The following TRABD2B variants were observed in gnomAD, a reference collection of about 807,000 sequenced individuals.
The protein encoded by TRABD2B is metalloprotease TIKI2.
Under a neutral mutation model 40.1 loss-of-function variants are expected in TRABD2B, and 14 were observed. The ratio of observed to expected loss-of-function variants is 0.35; its 90% CI spans 0.23 to 0.55. TRABD2B has a LOEUF of 0.55. Ranked by LOEUF, TRABD2B falls within the 20% of genes least tolerant of loss-of-function variation. The pLI is 0.90. For synonymous variants in TRABD2B, 263 were observed against 277.0 expected, an observed-to-expected ratio of 0.95 and a Z score of 0.50; for missense variants, 541 against 648.6, an observed-to-expected ratio of 0.83 and a Z score of 1.80.
At chr1:47,937,264 T>C (rs1336974255) in intron 2 of TRABD2B, among the ~76,000 whole-genome samples, 4 of 144,082 alleles carry the variant, frequency 2.8e-5, no homozygotes, top group African/African-American at 5.2e-5. Flanking sequence ...ATCACCATCA[T>C]CATCACCACT....
chr1:47,954,372 G>A (rs1049693380), intron 2 of TRABD2B, among the ~76,000 whole-genome samples: 1 of 152,112 alleles, frequency 6.6e-6, no homozygotes, highest in Non-Finnish European at 1.5e-5. Flanking sequence ...ATCCATTTGG[G>A]AGTCACTACA....
At chr1:47,974,443 T>A (rs1366504277) in intron 2 of TRABD2B, among the ~76,000 whole-genome samples, 1 of 152,142 alleles carries the variant, frequency 6.6e-6, no homozygotes, top group African/African-American at 2.4e-5. Context: ...CAAGCATCTG[T>A]CCCCATCCAA....
chr1:47,805,816 A>G (rs1644883781), intron 2 of TRABD2B, among the ~76,000 whole-genome samples: 4 of 150,548 alleles, frequency 2.7e-5, no homozygotes. Flanking sequence ...GCTCCATTTA[A>G]TTAAAAAAAA....
intron 2 of TRABD2B, among the ~76,000 whole-genome samples, chr1:47,861,344 G>T (rs969956429): frequency 1.3e-5 from 2 of 151,984 alleles, no homozygotes; most frequent in Non-Finnish European, 2.9e-5. Context: ...GTTGTAAAAC[G>T]TCCTACAATA....
At chr1:47,981,317 TTC>T (rs1160484029) in intron 2 of TRABD2B, among the ~76,000 whole-genome samples, 2 of 152,248 alleles carry the variant, frequency 1.3e-5, no homozygotes, top group South Asian at 2.1e-4. Flanking sequence ...CCCGGCCACA[TTC>T]TCTCTTTTCC....
In TRABD2B at chr1:47,962,275, A is replaced by G. The variant is rs548306640; in HGVS notation, c.666+31759T>C. ...TATACCTAATGTAAATGACGAGTTA[A>G]TGGGTGCAGCACAACAACGTGGTAC... On this transcript the variant is annotated intron_variant, in intron 2 of 6. Transcript: ENST00000606738. 1.3e-3 allele frequency among the ~76,000 whole-genome samples: 196 copies of G among 152,284 alleles called. 2 individuals are homozygous for G. The highest frequency in any genetic ancestry group is 2.5e-3 in the Non-Finnish European group (167 of 68,026).
At chr1:47,827,669 A>T (rs1347884952) in intron 2 of TRABD2B, among the ~76,000 whole-genome samples, 1 of 152,196 alleles carries the variant, frequency 6.6e-6, no homozygotes, top group Non-Finnish European at 1.5e-5. Flanking sequence ...TGAGAATGGG[A>T]GCTGAGGCCC....
At chr1:47,853,053 G>A (rs769695765) in intron 2 of TRABD2B, among the ~76,000 whole-genome samples, 5 of 152,164 alleles carry the variant, frequency 3.3e-5, no homozygotes, top group Non-Finnish European at 5.9e-5. Flanking sequence ...CATCCTGGAA[G>A]CATGCCTAGC....
At chr1:47,977,220 A>G (rs1242757997) in intron 2 of TRABD2B, among the ~76,000 whole-genome samples, 1 of 152,100 alleles carries the variant, frequency 6.6e-6, no homozygotes, top group Non-Finnish European at 1.5e-5. Flanking sequence ...CCACAGGTGC[A>G]TGCCACCATG....
chr1:47,837,647 G>A (rs1412984247), intron 2 of TRABD2B, among the ~76,000 whole-genome samples: 1 of 152,154 alleles, frequency 6.6e-6, no homozygotes, highest in African/African-American at 2.4e-5. Context: ...GACGAACCGG[G>A]CTTCTGAAGA....
intron 2 of TRABD2B, among the ~76,000 whole-genome samples, chr1:47,978,573 G>C (rs897696279): frequency 1.3e-5 from 2 of 152,010 alleles, no homozygotes; most frequent in African/African-American, 4.8e-5. Flanking sequence ...GCAGAATTTA[G>C]GTCAGCACAC....
chr1:47,835,718 A>G (rs1645309605), intron 2 of TRABD2B, among the ~76,000 whole-genome samples: 1 of 152,242 alleles, frequency 6.6e-6, no homozygotes, highest in Non-Finnish European at 1.5e-5. Flanking sequence ...AGATGAACAA[A>G]TATTGAGATA....
At chr1:47,809,361 G>A (rs1332111876) in intron 2 of TRABD2B, among the ~76,000 whole-genome samples, 1 of 152,162 alleles carries the variant, frequency 6.6e-6, no homozygotes, top group Admixed American at 6.5e-5. Flanking sequence ...AGCTGCTTGA[G>A]GAATGCTTGT....
chr1:47,876,909 C>A (rs1373462342), intron 2 of TRABD2B, among the ~76,000 whole-genome samples: 1 of 152,218 alleles, frequency 6.6e-6, no homozygotes, highest in East Asian at 1.9e-4. Flanking sequence ...CTGTCAAGCT[C>A]TTCCTGTGTG....
At chr1:47,990,740 T>C (rs1332504544) in intron 2 of TRABD2B, among the ~76,000 whole-genome samples, 3 of 133,868 alleles carry the variant, frequency 2.2e-5, no homozygotes, top group South Asian at 2.5e-4. Flanking sequence ...CCCAAGATTA[T>C]ATACAAGTTG....
At chr1:47,852,122 C>CA (rs1485310091) in intron 2 of TRABD2B, among the ~76,000 whole-genome samples, 2 of 152,160 alleles carry the variant, frequency 1.3e-5, no homozygotes, top group African/African-American at 2.4e-5. Context: ...ACCCCAAACC[C>CA]AAACACCCAC....
chr1:47,850,516 G>T (rs1457919152), intron 2 of TRABD2B, among the ~76,000 whole-genome samples: 2 of 152,178 alleles, frequency 1.3e-5, no homozygotes. Context: ...CCACCCTAAG[G>T]GCACATTGCA....
intron 2 of TRABD2B, among the ~76,000 whole-genome samples, chr1:47,869,344 T>C (rs1384329018): frequency 6.6e-6 from 1 of 151,560 alleles, no homozygotes; most frequent in Non-Finnish European, 1.5e-5. Context: ...ATAAAAATAT[T>C]TTCTGATTTC....
chr1:47,879,086 T>C (rs1644264772), intron 2 of TRABD2B, among the ~76,000 whole-genome samples: 1 of 147,238 alleles, frequency 6.8e-6, no homozygotes, highest in Non-Finnish European at 1.5e-5. Flanking sequence ...GCCTGGGTGA[T>C]GAAGTAAGAC....
Sources: allele counts gnomAD v4.1 joint callset (sites outside exome capture counted in the v4.1 genomes callset), GRCh38; gene constraint gnomAD v4.1.1; transcripts MANE v1.5; gene names NCBI Gene and HGNC (gene_info 2026-07-23, HGNC 2026-07-21).